Variants in STRN observed in about 807,000 individuals in gnomAD.
STRN encodes the protein protein phosphatase 2 regulatory subunit B'''alpha.
In STRN, 53 loss-of-function variants were observed where a neutral mutation model predicts 96.3. That is an observed-to-expected ratio of 0.55 (90% confidence interval 0.44 to 0.69). The LOEUF (loss-of-function observed/expected upper bound fraction) is 0.69. STRN is among the 30% of genes least tolerant of loss of function. The probability of loss-of-function intolerance (pLI) is 0.00; values close to 1 mark genes in which losing one functional copy is unlikely to be tolerated. For missense variants in STRN, 987 were observed against 963.9 expected (o/e 1.02, Z -0.32); for synonymous variants, 428 against 355.9 (o/e 1.20, Z -2.28).
intron 8 of STRN, among the ~76,000 whole-genome samples, 155 bp downstream of exon 8, chr2:36,886,561 C>A (rs2148177955): frequency 6.6e-6 from 1 of 151,864 alleles, no homozygotes; most frequent in African/African-American, 2.4e-5. Flanking sequence ...AATAGCTAAT[C>A]ATTTAATTTC....
At chr2:36,949,197 C>T (rs1027972252) in intron 1 of STRN, among the ~76,000 whole-genome samples, 16 of 152,168 alleles carry the variant, frequency 1.1e-4, no homozygotes, top group Admixed American at 9.8e-4. Flanking sequence ...GAGCAATAGG[C>T]TATGCCATAT....
Position 36,886,726 on chromosome 2 carries a change from C to A in STRN, c.1032G>T (p.Lys344Asn). Residue 344 changes from lysine to asparagine, a missense_variant, in exon 8 of 18, where the codon AAG (lysine) becomes AAT (asparagine). Coordinates refer to ENST00000263918, the MANE Select transcript of STRN (RefSeq NM_003162.4). The part of the protein sequence containing the change: ...EQYKKERKGK[K>N]GVKRPNRSKL... Reference sequence around the variant, plus strand: ...ATGTTTTCCACTTACTCTTCACCCCCTTTTTCCCCTTTCTCTCCTTTTTGT... The same window carrying A: ...ATGTTTTCCACTTACTCTTCACCCCATTTTTCCCCTTTCTCTCCTTTTTGT... 1.2e-6 allele frequency: 2 copies of A among 1,609,852 alleles called. No homozygotes were observed. The highest frequency in any genetic ancestry group is 8.5e-7 in the Non-Finnish European group (1 of 1,177,668).
At position 36,842,874 on chromosome 2, in the gene STRN, C is replaced by G. The variant is rs1166818501; in HGVS notation, c.*6582G>C. Among the ~76,000 whole-genome samples, 1 of 152,036 alleles carries G rather than the reference C, an allele frequency of 6.6e-6. No individual in the cohort carries two copies. Among genetic ancestry groups the G allele is most frequent in the Non-Finnish European group, 1.5e-5 (1 of 67,992 alleles). On this transcript the variant is annotated 3_prime_UTR_variant, in exon 18 of 18. Coordinates refer to ENST00000263918, the MANE Select transcript of STRN (RefSeq NM_003162.4). ...GAGAAGTAACAGGCGGAGGGATGCT[C>G]CATGATTATAATGTTTAGGTTAAAA...
intron 1 of STRN, among the ~76,000 whole-genome samples, chr2:36,961,142 T>TTTTTC (rs1558671463): frequency 2.9e-5 from 4 of 139,404 alleles, no homozygotes; most frequent in African/African-American, 5.7e-5. Flanking sequence ...TTTTTTTTTT[T>TTTTTC]CTGAGACAGG....
intron 1 of STRN, among the ~76,000 whole-genome samples, chr2:36,935,940 A>G (rs1288856379): frequency 6.6e-6 from 1 of 152,308 alleles, no homozygotes; most frequent in South Asian, 2.1e-4. Flanking sequence ...AATGTGAATT[A>G]GAGCTCCTAT....
At chr2:36,909,554 T>C (rs986910676) in intron 3 of STRN, among the ~76,000 whole-genome samples, 1 of 152,094 alleles carries the variant, frequency 6.6e-6, no homozygotes, top group African/African-American at 2.4e-5. Context: ...GCCTCATGAT[T>C]ATCCCAGACA....
chr2:36,897,419 C>CA (rs965514642), intron 6 of STRN, among the ~76,000 whole-genome samples: 20 of 144,248 alleles, frequency 1.4e-4, no homozygotes, highest in African/African-American at 1.0e-4. Flanking sequence ...TATTTTTTTC[C>CA]AAAAAAAACT....
intron 3 of STRN, 98 bp downstream of exon 3, chr2:36,915,980 C>A: frequency 9.1e-7 from 1 of 1,101,118 alleles, no homozygotes; most frequent in Non-Finnish European, 1.3e-6. Context: ...AACTAATACA[C>A]AAATAATTAG....
intron 1 of STRN, among the ~76,000 whole-genome samples, chr2:36,958,167 G>A (rs200589474): frequency 3.9e-5 from 6 of 151,914 alleles, no homozygotes; most frequent in Admixed American, 3.3e-4. Context: ...TGATCTGCCC[G>A]CCTCAGCCTC....
rs74889082 is a variant in STRN at position 36,930,031 on chromosome 2, A to T, written c.235-4823T>A. Among the ~76,000 whole-genome samples the T allele has an allele frequency of 2.0e-5, 3 of 152,342 alleles. No individual in the cohort carries two copies. In the East Asian group the frequency reaches 5.8e-4, roughly 29 times the overall value. On this transcript the variant is annotated intron_variant, in intron 1 of 17. Transcript: ENST00000263918. ...TATGTCTTAATGCCTTCTATAAACT[A>T]TATCTATTCCCTCTGAAAAGCTTTG...
At position 36,858,029 on chromosome 2, in the gene STRN, CA is replaced by C; in HGVS notation, c.1670-7del. The C allele has an allele frequency of 6.4e-7, 1 of 1,560,998 alleles. No homozygotes were observed. Among genetic ancestry groups the C allele is most frequent in the East Asian group, 2.3e-5 (1 of 43,508 alleles). On this transcript the variant is annotated splice_region_variant and splice_polypyrimidine_tract_variant and intron_variant, in intron 13 of 17. Coordinates refer to ENST00000263918, the MANE Select transcript of STRN (RefSeq NM_003162.4). ...GCCTCGTAAAACAGAAGGATCTATA[CA>C]AAACAGTAAAAATGCAAAATCAGGA...
intron 12 of STRN, among the ~76,000 whole-genome samples, chr2:36,866,095 G>A (rs146209920): frequency 2.0e-5 from 3 of 152,234 alleles, no homozygotes; most frequent in African/African-American, 2.4e-5. Flanking sequence ...ATTTGAGACA[G>A]GGTATCGCTC....
rs1343794699 is a variant in STRN at position 36,839,246 on chromosome 2, T to C, written c.*10210A>G. Among the ~76,000 whole-genome samples the C allele has an allele frequency of 1.3e-5, 2 of 152,170 alleles. No homozygotes were observed. The highest frequency in any genetic ancestry group is 2.9e-5 in the Non-Finnish European group (2 of 68,026). ...TCCCCCTTCCCTGCTCTATTTTTTT[T>C]CCCTCTGCACTTATCACTAATATTC... On this transcript the variant is annotated 3_prime_UTR_variant, in exon 18 of 18. Transcript: ENST00000263918.
At position 36,838,745 on chromosome 2, in the gene STRN, A is replaced by G. The variant is rs1245365106; in HGVS notation, c.*10711T>C. 6.6e-6 allele frequency among the ~76,000 whole-genome samples: 1 copy of G among 152,222 alleles called. No individual in the cohort carries two copies. Among genetic ancestry groups the G allele is most frequent in the Admixed American group, 6.5e-5 (1 of 15,284 alleles). Reference sequence around the variant, plus strand: ...GAATCTATTCCGCAGACGTAAAACCATCATGGTGACAAACATATACACAGG... The same window carrying G: ...GAATCTATTCCGCAGACGTAAAACCGTCATGGTGACAAACATATACACAGG... On this transcript the variant is annotated 3_prime_UTR_variant, in exon 18 of 18. Transcript: ENST00000263918.
Position 36,869,941 on chromosome 2 carries a change from A to G in STRN, c.1324-212T>C, listed in dbSNP as rs17020013. 7.4e-3 allele frequency among the ~76,000 whole-genome samples: 1,134 copies of G among 152,314 alleles called. 15 individuals carry two copies. Among genetic ancestry groups the G allele is most frequent in the African/African-American group, 0.026 (1,085 of 41,578 alleles). ...TTCTTTGAAGAAATATGAAAGGTGT[A>G]TTACAAAAACAATTAACATAATTCA... On this transcript the variant is annotated intron_variant, in intron 10 of 17. Transcript: ENST00000263918.
chr2:36,886,433 T>C (rs985427535), intron 8 of STRN, among the ~76,000 whole-genome samples: 3 of 152,176 alleles, frequency 2.0e-5, no homozygotes. Flanking sequence ...AAAAATCAAA[T>C]TATCACTGTG....
At chr2:36,859,209 T>C (rs752751390) in intron 13 of STRN, among the ~76,000 whole-genome samples, 1 of 152,150 alleles carries the variant, frequency 6.6e-6, no homozygotes, top group Admixed American at 6.5e-5. Context: ...GGATCAAGTA[T>C]GTATTTAATA....
chr2:36,869,589 T>G lies in STRN; in HGVS notation c.1464A>C (p.Lys488Asn). ...GGGCTGTTTTCTGTAAATTCCACAT[T>G]TTTAATGTGTGATCCTCTGATGCTG... ...LITASEDHTL[K>N]MWNLQKTAPA... Residue 488 changes from lysine to asparagine, a missense_variant, in exon 11 of 18, where the codon AAA becomes AAC. By Grantham distance (94) the Lys-to-Asn change is moderately conservative. Transcript: ENST00000263918. 1 of 1,595,946 alleles carries G rather than the reference T, an allele frequency of 6.3e-7. No homozygotes were observed. Among genetic ancestry groups the G allele is most frequent in the Non-Finnish European group, 8.5e-7 (1 of 1,171,092 alleles).
chr2:36,868,717 G>C (rs906147456), intron 11 of STRN, among the ~76,000 whole-genome samples: 3 of 152,148 alleles, frequency 2.0e-5, no homozygotes, highest in African/African-American at 7.2e-5. Context: ...GTATGACACA[G>C]CATGAATGAC....
Sources: gnomAD v4.1 joint callset for allele counts (sites outside exome capture counted in the v4.1 genomes callset) on GRCh38, gnomAD v4.1.1 for gene constraint, MANE v1.5 for transcripts, NCBI Gene and HGNC (gene_info 2026-07-23, HGNC 2026-07-21) for gene names.